TXNRD1: variants seen among roughly 807,000 people sequenced by gnomAD.
TXNRD1 encodes thioredoxin reductase 1, cytoplasmic.
TXNRD1 carries 57 observed loss-of-function variants against 80.3 expected under a neutral mutation model. That is an observed-to-expected ratio of 0.71 (90% CI 0.57 to 0.89). TXNRD1 has a LOEUF of 0.89. Ranked by LOEUF, TXNRD1 falls within the 40% of genes least tolerant of loss-of-function variation. The probability of loss-of-function intolerance (pLI) is 0.00; values close to 1 mark genes in which losing one functional copy is unlikely to be tolerated. For missense variants in TXNRD1, 730 were observed against 803.0 expected (o/e 0.91, Z 1.10); for synonymous variants, 291 against 285.2 (o/e 1.02, Z -0.20).
intron 1 of TXNRD1, among the ~76,000 whole-genome samples, chr12:104,246,180 C>A (rs1225338419): frequency 2.1e-5 from 3 of 146,288 alleles, no homozygotes; most frequent in African/African-American, 7.6e-5. Context: ...GTAATCCCAG[C>A]GCTTTGGGAG....
intron 4 of TXNRD1, chr12:104,303,969 G>A: frequency 2.5e-6 from 4 of 1,604,546 alleles, no homozygotes; most frequent in Non-Finnish European, 2.5e-6. Flanking sequence ...GCCGCGGGCT[G>A]CTCCGACGAC....
intron 3 of TXNRD1, chr12:104,258,348 A>T (rs572728853): frequency 3.2e-6 from 1 of 312,014 alleles, no homozygotes; most frequent in African/African-American, 2.2e-5. Flanking sequence ...CTAGTTACAG[A>T]TACAGTATTT....
chr12:104,270,916 A>AG (rs904552260), intron 3 of TXNRD1, among the ~76,000 whole-genome samples: 17 of 151,962 alleles, frequency 1.1e-4, no homozygotes, highest in African/African-American at 3.6e-4. Flanking sequence ...TGGGAGGCCG[A>AG]GGGGGGTGGA....
At chr12:104,327,420 TC>T in intron 12 of TXNRD1, 94 bp from the exon 13 acceptor site, 1 of 1,286,016 alleles carries the variant, frequency 7.8e-7, no homozygotes, top group Non-Finnish European at 1.1e-6. Flanking sequence ...TCAGCTAGAG[TC>T]ACAATTTTGG....
At chr12:104,243,236 A>C in intron 1 of TXNRD1, among the ~76,000 whole-genome samples, 1 of 152,320 alleles carries the variant, frequency 6.6e-6, no homozygotes, top group South Asian at 2.1e-4. Context: ...AACACTAGAA[A>C]TTCATTATCA....
At chr12:104,323,596 C>G (rs2035631367) in intron 10 of TXNRD1, among the ~76,000 whole-genome samples, 1 of 98,848 alleles carries the variant, frequency 1.0e-5, no homozygotes, top group Non-Finnish European at 2.1e-5. Flanking sequence ...CCCCCACCTC[C>G]CTCCCAGACG....
Position 104,258,060 on chromosome 12 carries a change from G to A in TXNRD1, c.285G>A (p.Val95=), listed in dbSNP as rs1393156937. The part of the protein sequence containing the change: ...LFKSLCVPYF[V]LELDQTEDGR... Reference sequence around the variant, plus strand: ...AATCTCTGTGTGTTCCTTATTTTGTGCTTGAACTTGATCAAACAGGTAAGT... The same window carrying A: ...AATCTCTGTGTGTTCCTTATTTTGTACTTGAACTTGATCAAACAGGTAAGT... Residue 95 remains valine, a synonymous_variant, in exon 3 of 17, where the codon GTG becomes GTA. Transcript: ENST00000525566. The A allele has an allele frequency of 1.3e-6, 2 of 1,552,792 alleles. No homozygotes were observed. The highest frequency in any genetic ancestry group is 2.4e-5 in the East Asian group (1 of 42,180).
In TXNRD1 at chr12:104,306,030, A is replaced by G. The variant is rs1325370911; in HGVS notation, c.415-5260A>G. On this transcript the variant is annotated intron_variant, in intron 4 of 16. Coordinates refer to ENST00000525566, the MANE Select transcript of TXNRD1 (RefSeq NM_001093771.3). Reference sequence around the variant, plus strand: ...GCGATTCTTGTGCCTCAGCCTCCCAAGTAGCCGGGATTACAGGTGTGTGCC... The same window carrying G: ...GCGATTCTTGTGCCTCAGCCTCCCAGGTAGCCGGGATTACAGGTGTGTGCC... 3.9e-5 allele frequency among the ~76,000 whole-genome samples: 6 copies of G among 152,078 alleles called. No individual in the cohort carries two copies. The South Asian group carries it at 1.0e-3, about 26-fold the overall frequency.
At chr12:104,324,433 G>C (rs184119484) in intron 10 of TXNRD1, among the ~76,000 whole-genome samples, 24 of 144,320 alleles carry the variant, frequency 1.7e-4, no homozygotes, top group African/African-American at 4.9e-4. Context: ...CTCACTGCAA[G>C]CTCCGCCTCC....
At position 104,348,554 on chromosome 12, in the gene TXNRD1, C is replaced by G. The variant is rs4576900; in HGVS notation, c.*133C>G. On this transcript the variant is annotated 3_prime_UTR_variant, in exon 17 of 17. Transcript: ENST00000525566. Reference sequence around the variant, plus strand: ...GTCCTGTGCTTACCACCGCCCAAGGCCCCCTTGGATCTCTTGGATAGGAGT... The same window carrying G: ...GTCCTGTGCTTACCACCGCCCAAGGGCCCCTTGGATCTCTTGGATAGGAGT... 4 of 761,902 alleles carry G rather than the reference C, an allele frequency of 5.3e-6. No individual in the cohort carries two copies. In the Admixed American group the frequency reaches 9.5e-5, roughly 18 times the overall value. 47.2% of individuals were successfully genotyped at this position (761,902 alleles called of 1,614,324 possible). A position where few individuals can be genotyped will look rare whatever the true frequency, so the allele number is the denominator to read the frequency against.
chr12:104,258,228 G>GTACT, intron 3 of TXNRD1, 149 bp downstream of exon 3: 1 of 614,624 alleles, frequency 1.6e-6, no homozygotes. Context: ...TTTAGACAGG[G>GTACT]TACTCTCCTG....
intron 16 of TXNRD1, among the ~76,000 whole-genome samples, chr12:104,348,142 T>A (rs1231382238): frequency 1.3e-5 from 2 of 152,150 alleles, no homozygotes; most frequent in East Asian, 1.9e-4. Flanking sequence ...ATAACCTAAA[T>A]TTTTTTTCTC....
chr12:104,225,715 C>CTTTT (rs35057067), intron 1 of TXNRD1, among the ~76,000 whole-genome samples: 1 of 141,488 alleles, frequency 7.1e-6, no homozygotes, highest in African/African-American at 2.6e-5. Flanking sequence ...AATTAAACCT[C>CTTTT]TTTTTTTTTT....
chr12:104,305,525 C>G (rs2034871642), intron 4 of TXNRD1, among the ~76,000 whole-genome samples: 2 of 152,136 alleles, frequency 1.3e-5, no homozygotes, highest in Admixed American at 1.3e-4. Flanking sequence ...GAGGTATCAG[C>G]TAAGGGTGAA....
chr12:104,277,500 C>T (rs2033781198), intron 3 of TXNRD1, among the ~76,000 whole-genome samples: 1 of 151,892 alleles, frequency 6.6e-6, no homozygotes, highest in South Asian at 2.1e-4. Flanking sequence ...GAGTTTGAGG[C>T]TGTGGTGAGC....
intron 1 of TXNRD1, among the ~76,000 whole-genome samples, chr12:104,232,290 C>T (rs545244122): frequency 1.6e-4 from 25 of 152,248 alleles, no homozygotes; most frequent in South Asian, 4.1e-4. Context: ...TAGGCTGGCA[C>T]GGTGGCTCAT....
intron 4 of TXNRD1, among the ~76,000 whole-genome samples, chr12:104,306,638 A>C (rs1194178278): frequency 2.6e-5 from 4 of 152,232 alleles, no homozygotes; most frequent in African/African-American, 7.2e-5. Context: ...ATAATAGAGT[A>C]GAGGTTTTAG....
chr12:104,246,554 C>T (rs1319061309), intron 1 of TXNRD1, among the ~76,000 whole-genome samples: 2 of 146,936 alleles, frequency 1.4e-5, no homozygotes, highest in Admixed American at 1.4e-4. Flanking sequence ...GATGCAGTCT[C>T]GCTCTGTCAC....
chr12:104,257,403 CTTT>C (rs57917719), intron 2 of TXNRD1, among the ~76,000 whole-genome samples: 13 of 76,960 alleles, frequency 1.7e-4, no homozygotes, highest in Non-Finnish European at 2.0e-4. Flanking sequence ...TGTTCCAATG[CTTT>C]TTTTTTTTTT....
Sources: gnomAD v4.1 joint callset for allele counts (sites outside exome capture counted in the v4.1 genomes callset) on GRCh38, gnomAD v4.1.1 for gene constraint, MANE v1.5 for transcripts, NCBI Gene and HGNC (gene_info 2026-07-23, HGNC 2026-07-21) for gene names.